Variants in LYPLAL1 observed in about 807,000 individuals in gnomAD.
The protein encoded by LYPLAL1 is lysophospholipase-like protein 1.
In LYPLAL1, 23 loss-of-function variants were observed where a neutral mutation model predicts 19.7. The observed-to-expected ratio is 1.17, with a 90% confidence interval of 0.84 to 1.65. LYPLAL1 has a LOEUF of 1.65. Among genes scored for constraint, LYPLAL1 ranks in the 40% most tolerant of loss-of-function variants. LYPLAL1 has a pLI of 0.00. For missense variants in LYPLAL1, 355 were observed against 279.4 expected, an observed-to-expected ratio of 1.27 and a Z score of -1.93; for synonymous variants, 119 against 96.3, an observed-to-expected ratio of 1.24 and a Z score of -1.38.
At chr1:219,293,172 C>A in the LYPLAL1 span, among the ~76,000 whole-genome samples, 2 of 152,078 alleles carry the variant, frequency 1.3e-5, no homozygotes, top group Non-Finnish European at 2.9e-5. Context: ...AGATTCTGAG[C>A]ACTTCCTTAG....
the LYPLAL1 span, among the ~76,000 whole-genome samples, chr1:219,424,168 A>T: frequency 9.2e-5 from 14 of 152,174 alleles, no homozygotes; most frequent in East Asian, 2.5e-3. Flanking sequence ...TTGTGAGGGA[A>T]GGTAGACTTA....
At chr1:219,203,521 A>G (rs1465928111) in intron 3 of LYPLAL1, among the ~76,000 whole-genome samples, 8 of 152,352 alleles carry the variant, frequency 5.3e-5, no homozygotes, top group Admixed American at 4.6e-4. Context: ...TGTCGAAGGT[A>G]TAGCGTAAGC....
chr1:219,185,350 T>G (rs919272768), intron 2 of LYPLAL1, among the ~76,000 whole-genome samples: 1 of 151,844 alleles, frequency 6.6e-6, no homozygotes, highest in African/African-American at 2.4e-5. Context: ...AGCTTTGGCT[T>G]TCTTATTTTC....
At chr1:219,341,034 C>T in the LYPLAL1 span, among the ~76,000 whole-genome samples, 2 of 152,042 alleles carry the variant, frequency 1.3e-5, no homozygotes, top group Admixed American at 6.6e-5. Context: ...AGGCCTTATT[C>T]ACTAACATTC....
At position 219,173,905 on chromosome 1, in the gene LYPLAL1, G is replaced by T. The variant is rs369794619; in HGVS notation, c.15G>T (p.Ser5=). 103 of 1,613,248 alleles carry T rather than the reference G, an allele frequency of 6.4e-5. No individual in the cohort carries two copies. In the Admixed American group the frequency reaches 1.6e-3, roughly 25 times the overall value. Reference sequence around the variant, plus strand: ...TGGCATCAGCGATGGCGGCTGCGTCGGGGTCGGTTCTGCAGCGCTGTATCG... The same window carrying T: ...TGGCATCAGCGATGGCGGCTGCGTCTGGGTCGGTTCTGCAGCGCTGTATCG... MAAA[S]GSVLQRCIVS... Residue 5 remains serine, a synonymous_variant, in exon 1 of 5, where the codon TCG becomes TCT. Coordinates refer to ENST00000366928, the MANE Select transcript of LYPLAL1 (RefSeq NM_138794.5).
the LYPLAL1 span, among the ~76,000 whole-genome samples, chr1:219,311,368 CT>C: frequency 3.9e-5 from 6 of 152,110 alleles, no homozygotes; most frequent in Non-Finnish European, 8.8e-5. Context: ...AATCAATCTA[CT>C]TTTCTGGAAT....
chr1:219,175,328 T>C (rs1434841171), intron 1 of LYPLAL1, among the ~76,000 whole-genome samples: 1 of 152,134 alleles, frequency 6.6e-6, no homozygotes, highest in African/African-American at 2.4e-5. Flanking sequence ...GGCATATATT[T>C]AGAAGGTGAC....
chr1:219,423,994 T>C, the LYPLAL1 span, among the ~76,000 whole-genome samples: 2 of 149,702 alleles, frequency 1.3e-5, no homozygotes, highest in African/African-American at 4.9e-5. Flanking sequence ...TATATCACTA[T>C]ACACTATAGT....
chr1:219,343,310 A>G, the LYPLAL1 span, among the ~76,000 whole-genome samples: 1 of 152,212 alleles, frequency 6.6e-6, no homozygotes, highest in East Asian at 1.9e-4. Context: ...GAAACATGTC[A>G]AAGAAAGTCA....
the LYPLAL1 span, among the ~76,000 whole-genome samples, chr1:219,403,519 G>A: frequency 3.9e-5 from 6 of 152,172 alleles, no homozygotes; most frequent in Admixed American, 1.3e-4. Context: ...TGTAAAAGAC[G>A]CGGCAGGAAG....
At chr1:219,419,584 C>CAGAGAGAGAGAGAGAG in the LYPLAL1 span, among the ~76,000 whole-genome samples, 2 of 129,004 alleles carry the variant, frequency 1.6e-5, no homozygotes, top group African/African-American at 6.2e-5. Context: ...CACACACACA[C>CAGAGAGAGAGAGAGAG]ACACACACAC....
Position 219,200,359 on chromosome 1 carries a change from G to C in LYPLAL1, c.361+7108G>C, listed in dbSNP as rs192335457. On this transcript the variant is annotated intron_variant, in intron 3 of 4. Coordinates refer to ENST00000366928, the MANE Select transcript of LYPLAL1 (RefSeq NM_138794.5). ...TCATAAGAAAAAGTATCTGACAGAG[G>C]AACACCATGGCCAACCAACTCTTGA... 2.5e-3 allele frequency: 494 copies of C among 200,700 alleles called. 3 individuals are homozygous for C. Among genetic ancestry groups the C allele is most frequent in the Non-Finnish European group, 3.7e-3 (336 of 91,052 alleles). The allele number at this position is 200,700 out of a possible 1,614,324, so 12.4% of individuals were successfully genotyped here. A position where few individuals can be genotyped will look rare whatever the true frequency, so the allele number is the denominator to read the frequency against.
the LYPLAL1 span, among the ~76,000 whole-genome samples, chr1:219,333,297 A>G: frequency 1.3e-5 from 2 of 152,068 alleles, no homozygotes; most frequent in South Asian, 2.1e-4. Context: ...TGGAAGATCC[A>G]TTACTCTGGC....
chr1:219,271,397 T>TC, the LYPLAL1 span: 4 of 151,702 alleles, frequency 2.6e-5, no homozygotes, highest in Admixed American at 1.3e-4. Context: ...TTTTTTTTTT[T>TC]CTGAAGGCTT....
the LYPLAL1 span, among the ~76,000 whole-genome samples, chr1:219,229,899 G>A: frequency 2.0e-5 from 3 of 152,262 alleles, no homozygotes; most frequent in East Asian, 3.9e-4. Flanking sequence ...TTTGAAGAGG[G>A]CAAAATACCC....
the LYPLAL1 span, among the ~76,000 whole-genome samples, chr1:219,427,987 A>T: frequency 6.6e-6 from 1 of 152,192 alleles, no homozygotes; most frequent in African/African-American, 2.4e-5. Context: ...CCAGGCCTTC[A>T]TCTTGCCATG....
chr1:219,444,613 T>A, the LYPLAL1 span, among the ~76,000 whole-genome samples: 1 of 152,216 alleles, frequency 6.6e-6, no homozygotes, highest in African/African-American at 2.4e-5. Flanking sequence ...GCCTTTTATC[T>A]CCTAAAGGGA....
At chr1:219,210,366 T>C (rs1658912554) in intron 3 of LYPLAL1, 166 bp from the exon 4 acceptor site, 1 of 460,134 alleles carries the variant, frequency 2.2e-6, no homozygotes, top group Admixed American at 3.8e-5. Flanking sequence ...CAGGGTTATT[T>C]ATGTTATCGC....
the LYPLAL1 span, among the ~76,000 whole-genome samples, chr1:219,358,824 G>A: frequency 6.0e-5 from 9 of 151,046 alleles, no homozygotes; most frequent in East Asian, 1.9e-4. Flanking sequence ...ATTATAGTGC[G>A]TGTGTGTGTG....
Sources: allele counts gnomAD v4.1 joint callset (sites outside exome capture counted in the v4.1 genomes callset), GRCh38; gene constraint gnomAD v4.1.1; transcripts MANE v1.5; gene names NCBI Gene and HGNC (gene_info 2026-07-23, HGNC 2026-07-21).